Variants in DAPK1 observed in about 807,000 individuals in gnomAD.
DAPK1 encodes the protein death associated protein kinase 1.
Under a neutral mutation model 144.9 loss-of-function variants are expected in DAPK1, and 56 were observed. The observed-to-expected ratio is 0.39, with a 90% CI of 0.31 to 0.48. DAPK1 has a LOEUF of 0.48. Among genes scored for constraint, DAPK1 ranks in the 20% least tolerant of loss-of-function variants. The pLI, the probability that DAPK1 is intolerant of heterozygous loss-of-function variation, is 0.95. For missense variants in DAPK1, 1,454 were observed against 1,875.4 expected (o/e 0.78, Z 4.15); for synonymous variants, 690 against 749.0 (o/e 0.92, Z 1.29).
intron 2 of DAPK1, among the ~76,000 whole-genome samples, chr9:87,602,361 A>G (rs1828554685): frequency 6.6e-6 from 1 of 152,078 alleles, no homozygotes; most frequent in Non-Finnish European, 1.5e-5. Context: ...TGAGGGATCC[A>G]TTGTCAGGTG....
chr9:87,672,070 G>A (rs1458007039), intron 19 of DAPK1, among the ~76,000 whole-genome samples: 2 of 152,190 alleles, frequency 1.3e-5, no homozygotes, highest in Non-Finnish European at 2.9e-5. Flanking sequence ...TACCTCCCAC[G>A]ACCGTGATAA....
At chr9:87,642,420 A>G (rs932093006) in intron 10 of DAPK1, among the ~76,000 whole-genome samples, 2 of 152,148 alleles carry the variant, frequency 1.3e-5, no homozygotes, top group Non-Finnish European at 2.9e-5. Context: ...TTTGTGCTGT[A>G]CCTTGGGTAA....
At chr9:87,687,687 TC>T (rs1219012686) in intron 21 of DAPK1, among the ~76,000 whole-genome samples, 3 of 152,234 alleles carry the variant, frequency 2.0e-5, no homozygotes, top group African/African-American at 7.2e-5. Context: ...ATATGTTAGC[TC>T]AATTTTTAGT....
chr9:87,609,382 A>T (rs1828846966), intron 3 of DAPK1, among the ~76,000 whole-genome samples: 1 of 152,214 alleles, frequency 6.6e-6, no homozygotes, highest in African/African-American at 2.4e-5. Context: ...AACCCTGATA[A>T]TACAGTGGCA....
chr9:87,527,888 T>C (rs4877363), intron 2 of DAPK1, among the ~76,000 whole-genome samples: 3 of 152,086 alleles, frequency 2.0e-5, no homozygotes, highest in African/African-American at 7.2e-5. Context: ...GCTGAGACCT[T>C]GTCTGCGAAC....
At chr9:87,661,992 C>T (rs1463138598) in intron 18 of DAPK1, among the ~76,000 whole-genome samples, 2 of 152,174 alleles carry the variant, frequency 1.3e-5, no homozygotes, top group African/African-American at 4.8e-5. Context: ...CTTGAGTTGA[C>T]TTCTGCAAAT....
intron 24 of DAPK1, among the ~76,000 whole-genome samples, chr9:87,700,543 G>A (rs1484038325): frequency 6.6e-6 from 1 of 152,042 alleles, no homozygotes; most frequent in Non-Finnish European, 1.5e-5. Flanking sequence ...CTGTCATCCA[G>A]GCTGGAGTAC....
intron 2 of DAPK1, among the ~76,000 whole-genome samples, chr9:87,574,619 A>G (rs1323931186): frequency 6.6e-6 from 1 of 152,188 alleles, no homozygotes; most frequent in Non-Finnish European, 1.5e-5. Context: ...GCAGTCATCT[A>G]AATTTGAAGG....
At chr9:87,644,962 C>T (rs1830219961) in intron 11 of DAPK1, among the ~76,000 whole-genome samples, 1 of 152,174 alleles carries the variant, frequency 6.6e-6, no homozygotes, top group Non-Finnish European at 1.5e-5. Flanking sequence ...CATTCTTAAA[C>T]ATGCATTTTA....
intron 21 of DAPK1, among the ~76,000 whole-genome samples, chr9:87,695,701 GCTT>G (rs1311273398): frequency 6.6e-6 from 1 of 152,152 alleles, no homozygotes; most frequent in East Asian, 1.9e-4. Flanking sequence ...ACCCCTGCAT[GCTT>G]CTTGCTTCTT....
chr9:87,623,902 A>T (rs1829398482), intron 3 of DAPK1, among the ~76,000 whole-genome samples: 1 of 152,100 alleles, frequency 6.6e-6, no homozygotes, highest in South Asian at 2.1e-4. Context: ...TGGGAGGGGA[A>T]CTCAAGCAGC....
intron 2 of DAPK1, among the ~76,000 whole-genome samples, chr9:87,585,623 G>C (rs185204956): frequency 2.0e-5 from 3 of 152,344 alleles, no homozygotes; most frequent in Admixed American, 2.0e-4. Context: ...TTAATGTGCT[G>C]ACTTAGCTAT....
chr9:87,551,588 GTGGA>G (rs1826486786), intron 2 of DAPK1, among the ~76,000 whole-genome samples: 1 of 152,240 alleles, frequency 6.6e-6, no homozygotes, highest in Non-Finnish European at 1.5e-5. Flanking sequence ...AGTAGTGACA[GTGGA>G]TGAAGGACAG....
chr9:87,587,001 G>A (rs1827959655), intron 2 of DAPK1, among the ~76,000 whole-genome samples: 1 of 152,244 alleles, frequency 6.6e-6, no homozygotes, highest in South Asian at 2.1e-4. Flanking sequence ...AGGAGAAGAT[G>A]TAGAACACTG....
intron 2 of DAPK1, among the ~76,000 whole-genome samples, chr9:87,539,429 A>ATTTTT (rs1563982111): frequency 2.2e-4 from 15 of 68,428 alleles, no homozygotes; most frequent in African/African-American, 5.1e-4. Flanking sequence ...TAAATTTCTC[A>ATTTTT]CTTTTTTTTT....
At chr9:87,500,890 G>T (rs1185936946) in intron 2 of DAPK1, among the ~76,000 whole-genome samples, 2 of 152,160 alleles carry the variant, frequency 1.3e-5, no homozygotes, top group Non-Finnish European at 2.9e-5. Context: ...TGAAAAACTG[G>T]AAGTCTGAAG....
intron 2 of DAPK1, among the ~76,000 whole-genome samples, chr9:87,507,268 A>G (rs1178452072): frequency 6.6e-6 from 1 of 152,162 alleles, no homozygotes; most frequent in Admixed American, 6.6e-5. Flanking sequence ...GCTGGAATGC[A>G]ATGGCGCTAT....
chr9:87,569,979 A>T (rs751291454), intron 2 of DAPK1, among the ~76,000 whole-genome samples: 8 of 152,206 alleles, frequency 5.3e-5, no homozygotes, highest in African/African-American at 1.9e-4. Flanking sequence ...TGGTCTTATT[A>T]TATTTGTGTT....
chr9:87,657,748 T>C, intron 17 of DAPK1: 1 of 437,214 alleles, frequency 2.3e-6, no homozygotes, highest in Non-Finnish European at 4.2e-6. Context: ...CTCTGGACCT[T>C]GAGCCCTTGA....
Sources: allele counts gnomAD v4.1 joint callset (sites outside exome capture counted in the v4.1 genomes callset), GRCh38; gene constraint gnomAD v4.1.1; transcripts MANE v1.5; gene names NCBI Gene and HGNC (gene_info 2026-07-23, HGNC 2026-07-21).